Variants in ZFHX3 observed in about 807,000 individuals in gnomAD.
ZFHX3 encodes the protein zinc finger homeobox protein 3.
ZFHX3 carries 42 observed loss-of-function variants against 279.1 expected under a neutral mutation model. The ratio of observed to expected loss-of-function variants is 0.15; its 90% CI spans 0.12 to 0.19. The LOEUF is 0.19. Ranked by LOEUF, ZFHX3 falls within the 10% of genes least tolerant of loss-of-function variation. The probability of loss-of-function intolerance (pLI) is 1.00; values close to 1 mark genes in which losing one functional copy is unlikely to be tolerated. For missense variants in ZFHX3, 4,981 were observed against 4,754.0 expected, an observed-to-expected ratio of 1.05 and a Z score of -1.40; for synonymous variants, 2,293 against 1,957.8, an observed-to-expected ratio of 1.17 and a Z score of -4.52.
intron 1 of ZFHX3, among the ~76,000 whole-genome samples, chr16:73,814,603 T>G (rs1471653849): frequency 6.6e-6 from 1 of 151,922 alleles, no homozygotes; most frequent in Non-Finnish European, 1.5e-5. Context: ...GTTTCGCTCT[T>G]GTTGCCCAGG....
At chr16:73,049,973 C>A (rs561910617), upstream of ZFHX3, among the ~76,000 whole-genome samples, 5 of 152,182 alleles carry the variant, frequency 3.3e-5, no homozygotes, top group Non-Finnish European at 7.3e-5. Flanking sequence ...ACGTGGCCCA[C>A]AACGCAGAGA....
chr16:73,824,300 T>TGAAC (rs1960834466), intron 1 of ZFHX3, among the ~76,000 whole-genome samples: 2 of 152,082 alleles, frequency 1.3e-5, no homozygotes, highest in African/African-American at 4.8e-5. Context: ...AACACTGGTC[T>TGAAC]GAACTTTTTA....
At position 73,099,710 on chromosome 16, in the gene ZFHX3, C is replaced by CAAA. The variant is rs756694525; in HGVS notation, c.-896-6115_-896-6113dup. ...TGGGCGACAGAGTGAGACTCCATCT[C>CAAA]AAAAAAAAAAAAAAAAAAAGAGAGA... On this transcript the variant is annotated intron_variant, in intron 7 of 17. Transcript: ENST00000641206. 8.0e-4 allele frequency among the ~76,000 whole-genome samples: 73 copies of CAAA among 90,908 alleles called. 1 individual carries two copies. The highest frequency in any genetic ancestry group is 5.7e-3 in the Middle Eastern group (1 of 174). The allele number at this position is 90,908 out of a possible 152,430, so 59.6% of individuals were successfully genotyped here. A position where few individuals can be genotyped will look rare whatever the true frequency, so the allele number is the denominator to read the frequency against.
At chr16:73,735,316 G>GTTTC (rs137914470) in intron 1 of ZFHX3, among the ~76,000 whole-genome samples, 16,469 of 143,678 alleles carry the variant, frequency 0.11, 1,111 homozygotes, top group African/African-American at 0.19. Context: ...CTAACTTTAT[G>GTTTC]TTTCTTGTTG....
In ZFHX3 at chr16:72,797,592, A is replaced by G. The variant is rs369392504; in HGVS notation, c.5090T>C (p.Ile1697Thr). Reference protein sequence around the residue: ...SVGMPPLGNPIGANIASPSEP... With the variant: ...SVGMPPLGNPTGANIASPSEP... ...TGAAGGGGAAGCAATGTTGGCACCA[A>G]TAGGATTCCCCAGGGGTGGCATCCC... is the stretch of plus-strand genomic sequence containing the variant. Residue 1697 changes from isoleucine to threonine, a missense_variant, in exon 9 of 10, where the codon ATT (isoleucine) becomes ACT (threonine). Physicochemically the swap from Ile to Thr is moderately conservative, Grantham distance 89. Transcript: ENST00000268489. The G allele has an allele frequency of 7.2e-5, 117 of 1,613,806 alleles. No individual in the cohort carries two copies. Among genetic ancestry groups the G allele is most frequent in the South Asian group, 1.6e-4 (15 of 91,064 alleles).
chr16:73,114,605 G>A (rs1026798629), intron 7 of ZFHX3, among the ~76,000 whole-genome samples: 17 of 152,202 alleles, frequency 1.1e-4, no homozygotes, highest in African/African-American at 3.6e-4. Flanking sequence ...CTTGAGCCCA[G>A]GAGGTCGAGG....
At chr16:73,677,719 G>C (rs1030591671) in intron 2 of ZFHX3, among the ~76,000 whole-genome samples, 1 of 151,902 alleles carries the variant, frequency 6.6e-6, no homozygotes, top group Non-Finnish European at 1.5e-5. Context: ...AATAGAAATA[G>C]AAAACAACCT....
chr16:73,200,296 C>G (rs1478460352), intron 5 of ZFHX3, among the ~76,000 whole-genome samples: 1 of 152,058 alleles, frequency 6.6e-6, no homozygotes, highest in Non-Finnish European at 1.5e-5. Flanking sequence ...AAAAAAATTA[C>G]TCAGCTATTT....
At chr16:73,735,905 T>TGTTTGTTTG (rs755533323) in intron 1 of ZFHX3, among the ~76,000 whole-genome samples, 33 of 147,282 alleles carry the variant, frequency 2.2e-4, no homozygotes, top group Admixed American at 6.6e-4. Context: ...TTTTTTTTTT[T>TGTTTGTTTG]TTTTTTTTTT....
intron 1 of ZFHX3, among the ~76,000 whole-genome samples, chr16:73,855,146 C>G (rs1040390441): frequency 6.6e-6 from 1 of 151,116 alleles, no homozygotes; most frequent in African/African-American, 2.4e-5. Flanking sequence ...ATTGCCTCCA[C>G]TGAAATAACA....
At chr16:73,383,562 G>A (rs140508312) in intron 3 of ZFHX3, among the ~76,000 whole-genome samples, 4 of 152,274 alleles carry the variant, frequency 2.6e-5, no homozygotes, top group East Asian at 3.9e-4. Context: ...TAGCATCACC[G>A]CAGAGGGACC....
At chr16:73,352,429 G>A (rs916074246) in intron 3 of ZFHX3, among the ~76,000 whole-genome samples, 5 of 149,800 alleles carry the variant, frequency 3.3e-5, no homozygotes, top group South Asian at 2.1e-4. Flanking sequence ...AAGGATAAAC[G>A]GTGTCACTAT....
intron 5 of ZFHX3, among the ~76,000 whole-genome samples, chr16:73,183,240 G>A (rs1034659478): frequency 6.6e-6 from 1 of 152,076 alleles, no homozygotes; most frequent in Non-Finnish European, 1.5e-5. Flanking sequence ...TAGGTACAAT[G>A]TTCACTATTT....
chr16:73,252,357 T>C (rs575012777), intron 5 of ZFHX3, among the ~76,000 whole-genome samples: 97 of 152,152 alleles, frequency 6.4e-4, no homozygotes, highest in Non-Finnish European at 1.0e-3. Context: ...GGTAGTGGCA[T>C]GGGGACGGAG....
intron 2 of ZFHX3, among the ~76,000 whole-genome samples, chr16:73,481,312 G>C (rs1317790621): frequency 2.0e-5 from 3 of 149,030 alleles, no homozygotes; most frequent in Non-Finnish European, 4.5e-5. Flanking sequence ...CTGGGCAACA[G>C]AGTGAGACTC....
intron 1 of ZFHX3, among the ~76,000 whole-genome samples, chr16:73,041,169 A>G (rs765161027): frequency 1.6e-4 from 25 of 152,188 alleles, no homozygotes; most frequent in Non-Finnish European, 3.1e-4. Flanking sequence ...CAAACAAACA[A>G]TGAGGAAGAC....
At chr16:72,844,575 G>T (rs1296155248) in intron 4 of ZFHX3, among the ~76,000 whole-genome samples, 10 of 151,972 alleles carry the variant, frequency 6.6e-5, no homozygotes, top group South Asian at 2.1e-4. Flanking sequence ...GAGTGGTGGT[G>T]GGGGGGTGGG....
intron 4 of ZFHX3, among the ~76,000 whole-genome samples, chr16:73,301,733 A>C (rs540904709): frequency 1.3e-4 from 20 of 150,598 alleles, no homozygotes; most frequent in African/African-American, 4.4e-4. Context: ...TCATGATTAT[A>C]TTTGGAAAAG....
chr16:73,691,136 T>C (rs1368088860), intron 1 of ZFHX3, among the ~76,000 whole-genome samples: 1 of 152,200 alleles, frequency 6.6e-6, no homozygotes, highest in African/African-American at 2.4e-5. Flanking sequence ...GAGTGAGCTC[T>C]TGCTGCTGCC....
Sources: gnomAD v4.1 joint callset for allele counts (sites outside exome capture counted in the v4.1 genomes callset) on GRCh38, gnomAD v4.1.1 for gene constraint, MANE v1.5 for transcripts, NCBI Gene and HGNC (gene_info 2026-07-23, HGNC 2026-07-21) for gene names.